The following SEMA6C variants were observed in gnomAD, a reference collection of about 807,000 sequenced individuals.
SEMA6C encodes the protein semaphorin-6C.
A neutral mutation model predicts 72.9 loss-of-function variants in SEMA6C; 37 were observed. The observed-to-expected ratio is 0.51, with a 90% CI of 0.39 to 0.67. The LOEUF is 0.67. SEMA6C is among the 30% of genes least tolerant of loss of function. The pLI, the probability that SEMA6C is intolerant of heterozygous loss-of-function variation, is 0.00. For synonymous variants in SEMA6C, 578 were observed against 554.1 expected (o/e 1.04, Z -0.61); for missense variants, 1,189 against 1,263.6 (o/e 0.94, Z 0.89).
In SEMA6C at chr1:151,137,701, A is replaced by C. The variant is rs1572033535; in HGVS notation, c.756+10T>G. On this transcript the variant is annotated intron_variant, in intron 10 of 18. Transcript: ENST00000368914. Reference sequence around the variant, plus strand: ...CCTCCAGCTACCCACCCTGATGCCCACCTCCTTACCCTCCCCAGCCGAGCA... The same window carrying C: ...CCTCCAGCTACCCACCCTGATGCCCCCCTCCTTACCCTCCCCAGCCGAGCA... 6.2e-7 allele frequency: 1 copy of C among 1,606,204 alleles called. No homozygotes were observed. Among genetic ancestry groups the C allele is most frequent in the African/African-American group, 1.3e-5 (1 of 74,614 alleles).
At chr1:151,135,922 C>T in intron 13 of SEMA6C, 89 bp downstream of exon 13, 1 of 1,569,754 alleles carries the variant, frequency 6.4e-7, no homozygotes, top group South Asian at 1.2e-5. Context: ...GTTCTTCCTC[C>T]CACCAATGCG....
Position 151,133,905 on chromosome 1 carries a change from C to G in SEMA6C, c.1760-388G>C. On this transcript the variant is annotated intron_variant, in intron 18 of 18. Coordinates refer to ENST00000368914, the MANE Select transcript of SEMA6C (RefSeq NM_030913.6). This position sits in a 1 kb window ranked among gnomAD's most constrained non-coding sequence, Gnocchi z 5.9. The stretch of plus-strand genomic sequence containing the variant: ...CATTCAGTGAGGGGCTTAGAACGCT[C>G]CGAGAATCAGCAGCCCCACACTTCA... 1 of 1,412,118 alleles carries G rather than the reference C, an allele frequency of 7.1e-7. No individual in the cohort carries two copies. The highest frequency in any genetic ancestry group is 9.8e-7 in the Non-Finnish European group (1 of 1,021,318). The allele number at this position is 1,412,118 out of a possible 1,614,324, so 87.5% of individuals were successfully genotyped here.
chr1:151,137,165 G>A (rs4971008), intron 10 of SEMA6C, 91 bp from the exon 11 acceptor site: 932,497 of 1,172,954 alleles, frequency 0.79, 373,036 homozygotes, highest in East Asian at 0.91. Flanking sequence ...GCAGTAAGGG[G>A]CTGGGCGCGG....
In SEMA6C at chr1:151,136,103, A is replaced by G; in HGVS notation, c.1167T>C (p.Pro389=). 1 of 1,614,138 alleles carries G rather than the reference A, an allele frequency of 6.2e-7. No individual in the cohort carries two copies. Among genetic ancestry groups the G allele is most frequent in the South Asian group, 1.1e-5 (1 of 91,078 alleles). Residue 389 remains proline (P), a synonymous_variant, in exon 13 of 19, where the codon CCT becomes CCC. Coordinates refer to ENST00000368914, the MANE Select transcript of SEMA6C (RefSeq NM_030913.6). ...AALFSSSRDL[P]DDVLTFIKAH... is the part of the protein sequence containing the mutation. ...CCTTGATGAAGGTCAGGACATCATC[A>G]GGGAGGTCTCGGGAAGAGGAGAACA...
At chr1:151,139,613 C>A in intron 5 of SEMA6C, 25 bp downstream of exon 5, 1 of 1,605,742 alleles carries the variant, frequency 6.2e-7, no homozygotes, top group South Asian at 1.1e-5. Context: ...TCCACGTCTG[C>A]ACCTCTTCCC....
rs1330058315 is a variant in SEMA6C at position 151,146,235 on chromosome 1, A to G, written c.-105+198T>C. The G allele has an allele frequency of 1.3e-5, 2 of 152,402 alleles. No homozygotes were observed. The allele number at this position is 152,402 out of a possible 1,614,324, so 9.4% of individuals were successfully genotyped here. A position where few individuals can be genotyped will look rare whatever the true frequency, so the allele number is the denominator to read the frequency against. The stretch of plus-strand genomic sequence containing the variant: ...GAGGTGCCCAGACTCTGCTCTCACC[A>G]GTACAGTTACGGGGCTCGGCCACTG... On this transcript the variant is annotated intron_variant, in intron 1 of 18. Transcript: ENST00000368914. The surrounding 1 kb of genome is among the most constrained non-coding windows in gnomAD (Gnocchi z 4.6).
rs1050631688 is a variant in SEMA6C at position 151,138,062 on chromosome 1, A to C, written c.591T>G (p.Ser197Arg). The C allele has an allele frequency of 8.1e-6, 13 of 1,614,052 alleles. No homozygotes were observed. The highest frequency in any genetic ancestry group is 1.1e-5 in the Non-Finnish European group (13 of 1,180,016). The change falls in exon 9 of 19, where the codon AGT (serine) becomes AGG (arginine). Residue 197 changes from serine to arginine, a missense_variant. By Grantham distance (110) the Ser-to-Arg change is moderately radical. Around this residue, in one of 2 missense-constraint regions of SEMA6C, gnomAD observed 468 missense variants for 577.4 expected, o/e 0.81. Coordinates refer to ENST00000368914, the MANE Select transcript of SEMA6C (RefSeq NM_030913.6). ...YSATAADFQA[S>R]DAVVYRSLGP... The stretch of plus-strand genomic sequence containing the variant: ...CAAGGCTTCTGTAAACTACAGCATC[A>C]CTGGCCTGGAAATCCGCAGCTGTGG...
At chr1:151,144,349 AC>A (rs1041568354) in intron 2 of SEMA6C, 35 bp downstream of exon 2, 16 of 152,254 alleles carry the variant, frequency 1.1e-4, no homozygotes, top group Non-Finnish European at 2.1e-4. Context: ...GCCTGCTTCC[AC>A]CCCCTGCCCT....
At position 151,133,506 on chromosome 1, in the gene SEMA6C, C is replaced by A. The variant is rs780990231; in HGVS notation, c.1771G>T (p.Asp591Tyr). The change falls in exon 19 of 19, where the codon GAC becomes TAC. Residue 591 changes from aspartate (D) to tyrosine (Y), a missense_variant. Asp to Tyr is a radical substitution (Grantham distance 160, BLOSUM62 -3). Around this residue, in one of 2 missense-constraint regions of SEMA6C, gnomAD observed 721 missense variants for 686.2 expected, o/e 1.05. Transcript: ENST00000368914. This position sits in a 1 kb window ranked among gnomAD's most constrained non-coding sequence, Gnocchi z 5.9. ...CGGGAGGCCGAGGCTGGGGGCAGGT[C>A]CCGGCGCACGCCTGCCGACCGAGAG... Reference protein sequence around the residue: ...PGDSAYGVRRDLPPASASRSV... With the variant: ...PGDSAYGVRRYLPPASASRSV... 5.3e-5 allele frequency: 80 copies of A among 1,520,598 alleles called. No homozygotes were observed. The highest frequency in any genetic ancestry group is 6.6e-5 in the Non-Finnish European group (75 of 1,137,286). The allele number at this position is 1,520,598 out of a possible 1,614,324, so 94.2% of individuals were successfully genotyped here.
Position 151,136,521 on chromosome 1 carries a change from C to T in SEMA6C, c.1033G>A (p.Gly345Ser). ...AGACTCCTCTGCTCCTTGAACTTGC[C>T]CTCAAACCCACGCTCAATCTCATCC... The part of the protein sequence containing the change: ...YLDEIERGFE[G>S]KFKEQRSLDG... The change falls in exon 12 of 19, where the codon GGC becomes AGC. Residue 345 changes from glycine (G) to serine (S), a missense_variant. Transcript: ENST00000368914. 1 of 1,614,092 alleles carries T rather than the reference C, an allele frequency of 6.2e-7. No individual in the cohort carries two copies. The highest frequency in any genetic ancestry group is 1.1e-5 in the South Asian group (1 of 91,084).
At chr1:151,135,858 C>A in intron 13 of SEMA6C, 94 bp from the exon 14 acceptor site, 1 of 1,520,164 alleles carries the variant, frequency 6.6e-7, no homozygotes. Context: ...TGCCTGTGCC[C>A]TTCCCCCAGG....
Position 151,136,205 on chromosome 1 carries a change from T to C in SEMA6C, c.1107-42A>G, listed in dbSNP as rs1682008885. ...AAGGGGCTGCCTTTGGACTGGGAGCTGGAGCTTAGTTAACCTCTGTGCCCC... is the reference window on the plus strand; with the variant it reads ...AAGGGGCTGCCTTTGGACTGGGAGCCGGAGCTTAGTTAACCTCTGTGCCCC... On this transcript the variant is annotated intron_variant, in intron 12 of 18. Transcript: ENST00000368914. The C allele has an allele frequency of 1.9e-6, 3 of 1,609,584 alleles. No individual in the cohort carries two copies. In the East Asian group the frequency reaches 6.7e-5, roughly 36 times the overall value.
At position 151,136,642 on chromosome 1, in the gene SEMA6C, A is replaced by C. The variant is rs78681976; in HGVS notation, c.975-63T>G. The C allele has an allele frequency of 2.0e-3, 3,144 of 1,596,578 alleles. 63 individuals are homozygous for C. The African/African-American group carries it at 0.037, about 19-fold the overall frequency. On this transcript the variant is annotated intron_variant, in intron 11 of 18. Transcript: ENST00000368914. Reference sequence around the variant, plus strand: ...AGGAACTGCACAACTTCCCCCAGGAAGAAGTGGTGGCACCCTTCATACCAC... The same window carrying C: ...AGGAACTGCACAACTTCCCCCAGGACGAAGTGGTGGCACCCTTCATACCAC...
chr1:151,137,605 G>T, intron 10 of SEMA6C, 106 bp downstream of exon 10: 1 of 908,584 alleles, frequency 1.1e-6, no homozygotes. Context: ...GAGTCCAGGG[G>T]ATTGCTTTGT....
chr1:151,136,527 AC>A lies in SEMA6C; in HGVS notation c.1026del (p.Phe343LeufsTer34). The A allele has an allele frequency of 6.2e-7, 1 of 1,614,032 alleles. No individual in the cohort carries two copies. Among genetic ancestry groups the A allele is most frequent in the African/African-American group, 1.3e-5 (1 of 74,996 alleles). The part of the protein sequence containing the change: ...CAFYLDEIER[G>X]FEGKFKEQRS... ...CTCTGCTCCTTGAACTTGCCCTCAAACCCACGCTCAATCTCATCCAGGTAGA... is the reference window on the plus strand; with the variant it reads ...CTCTGCTCCTTGAACTTGCCCTCAAACCACGCTCAATCTCATCCAGGTAGA... On this transcript the variant is annotated frameshift_variant, in exon 12 of 19. Transcript: ENST00000368914. LOFTEE classifies it high-confidence loss of function.
chr1:151,143,521 A>C (rs11807526), intron 2 of SEMA6C, among the ~76,000 whole-genome samples: 29,031 of 152,074 alleles, frequency 0.19, 3,232 homozygotes, highest in African/African-American at 0.32. Flanking sequence ...GGTACAAGGG[A>C]CTAGTGAAGC....
At position 151,133,293 on chromosome 1, in the gene SEMA6C, G is replaced by C. The variant is rs587743691; in HGVS notation, c.1984C>G (p.Pro662Ala). 3 of 1,578,232 alleles carry C rather than the reference G, an allele frequency of 1.9e-6. No individual in the cohort carries two copies. The Admixed American group carries it at 5.3e-5, about 28-fold the overall frequency. The stretch of plus-strand genomic sequence containing the variant: ...TCCTTGGAGGGCGGCGGGGGCTCTG[G>C]GCCCCCACCGTGGAGCCGGGCCAAA... ...RSLARLHGGGPEPPPPSKDGD... is the reference protein window; with the variant it reads ...RSLARLHGGGAEPPPPSKDGD... The change falls in exon 19 of 19, where the codon CCA becomes GCA. Residue 662 changes from proline (P) to alanine (A), a missense_variant. By Grantham distance (27) the Pro-to-Ala change is conservative (BLOSUM62 -1). Around this residue, in one of 2 missense-constraint regions of SEMA6C, gnomAD observed 721 missense variants for 686.2 expected, o/e 1.05. Coordinates refer to ENST00000368914, the MANE Select transcript of SEMA6C (RefSeq NM_030913.6). The surrounding 1 kb of genome is among the most constrained non-coding windows in gnomAD (Gnocchi z 5.9).
rs1681719162 is a variant in SEMA6C at position 151,133,241 on chromosome 1, A to G, written c.2036T>C (p.Leu679Pro). The part of the protein sequence containing the change: ...KDGDAVQTPQ[L>P]YTTFLPPPEG... ...CGGAGGCGGCAGGAAGGTGGTGTAG[A>G]GCTGCGGCGTCTGCACCGCGTCCCC... Residue 679 changes from leucine to proline, a missense_variant, in exon 19 of 19, where the codon CTC becomes CCC. Around this residue, in one of 2 missense-constraint regions of SEMA6C, gnomAD observed 721 missense variants for 686.2 expected, o/e 1.05. Transcript: ENST00000368914. The surrounding 1 kb of genome is among the most constrained non-coding windows in gnomAD (Gnocchi z 5.9). The G allele has an allele frequency of 6.3e-7, 1 of 1,581,750 alleles. No individual in the cohort carries two copies. The highest frequency in any genetic ancestry group is 8.5e-7 in the Non-Finnish European group (1 of 1,169,828).
rs1200760366 is a variant in SEMA6C at position 151,133,801 on chromosome 1, C to T, written c.1760-284G>A. On this transcript the variant is annotated intron_variant, in intron 18 of 18. Transcript: ENST00000368914. The surrounding 1 kb of genome is among the most constrained non-coding windows in gnomAD (Gnocchi z 5.9). The stretch of plus-strand genomic sequence containing the variant: ...CCAAGAGCAACTGCCAAAAACTGCT[C>T]GTGCAGGAGAACTCGGGGCTGGGAT... Among the ~76,000 whole-genome samples the T allele has an allele frequency of 2.0e-5, 3 of 152,164 alleles. No homozygotes were observed. The highest frequency in any genetic ancestry group is 4.4e-5 in the Non-Finnish European group (3 of 68,028).
Sources: allele counts gnomAD v4.1 joint callset (sites outside exome capture counted in the v4.1 genomes callset), GRCh38; gene constraint gnomAD v4.1.1; regional missense constraint gnomAD v4.1.1; non-coding constraint Gnocchi (gnomAD v3.1); transcripts MANE v1.5; gene names NCBI Gene and HGNC (gene_info 2026-07-23, HGNC 2026-07-21).